The following SUGCT variants were observed in gnomAD, a reference collection of about 807,000 sequenced individuals.
SUGCT encodes the protein succinyl-CoA:glutarate CoA-transferase.
A neutral mutation model predicts 55.0 loss-of-function variants in SUGCT; 41 were observed. The observed-to-expected ratio is 0.74, with a 90% CI of 0.58 to 0.97. The LOEUF is 0.97. Ranked by LOEUF, SUGCT falls within the 50% of genes least tolerant of loss-of-function variation. SUGCT has a pLI of 0.00. For synonymous variants in SUGCT, 187 were observed against 200.4 expected (o/e 0.93, Z 0.56); for missense variants, 568 against 547.8 (o/e 1.04, Z -0.37).
intron 12 of SUGCT, among the ~76,000 whole-genome samples, chr7:40,543,445 C>G (rs1423039910): frequency 6.6e-6 from 1 of 152,146 alleles, no homozygotes; most frequent in Non-Finnish European, 1.5e-5. Context: ...AGACTGAAAA[C>G]AGGCTCTTCA....
rs548642068 is a variant in SUGCT, at chr7:40,343,817, T to C, written c.816+26962T>C. On this transcript the variant is annotated intron_variant, in intron 9 of 13. Transcript: ENST00000335693. ...GACTACAGGCACCCGCCACCACGCC[T>C]GGCTAATTTTTTGTATTTTTAGTAG... Among the ~76,000 whole-genome samples the C allele has an allele frequency of 9.9e-3, 1,509 of 152,120 alleles. 20 individuals are homozygous for C. The highest frequency in any genetic ancestry group is 0.035 in the African/African-American group (1,438 of 41,528).
the SUGCT span, among the ~76,000 whole-genome samples, chr7:40,910,103 T>C: frequency 6.6e-6 from 1 of 152,188 alleles, no homozygotes; most frequent in Non-Finnish European, 1.5e-5. Flanking sequence ...CTTTCCTTTT[T>C]TTTTTCCTTC....
chr7:40,368,419 G>A (rs929821941), intron 9 of SUGCT, among the ~76,000 whole-genome samples: 3 of 151,990 alleles, frequency 2.0e-5, no homozygotes, highest in African/African-American at 2.4e-5. Flanking sequence ...GACTGGTCTC[G>A]AACTTTTGAC....
At chr7:40,657,643 T>G (rs945377775) in intron 12 of SUGCT, among the ~76,000 whole-genome samples, 2 of 151,740 alleles carry the variant, frequency 1.3e-5, no homozygotes, top group Non-Finnish European at 2.9e-5. Flanking sequence ...CAAGCGATTC[T>G]CCTGCCTCAG....
intron 11 of SUGCT, among the ~76,000 whole-genome samples, chr7:40,491,187 G>A (rs1791656429): frequency 6.6e-6 from 1 of 152,164 alleles, no homozygotes; most frequent in Non-Finnish European, 1.5e-5. Context: ...TACTGGGGAA[G>A]GAGACAGTCA....
intron 9 of SUGCT, among the ~76,000 whole-genome samples, chr7:40,414,601 A>G (rs2151352479): frequency 6.6e-6 from 1 of 152,244 alleles, no homozygotes; most frequent in Non-Finnish European, 1.5e-5. Flanking sequence ...GTATTGTCAC[A>G]TTAAAAAAAA....
chr7:40,278,038 A>G (rs1349769318), intron 8 of SUGCT, among the ~76,000 whole-genome samples: 1 of 152,124 alleles, frequency 6.6e-6, no homozygotes, highest in Admixed American at 6.6e-5. Flanking sequence ...TTATGGCTGC[A>G]TAGTGTTCCA....
chr7:40,333,561 C>T (rs1315186747), intron 9 of SUGCT, among the ~76,000 whole-genome samples: 9 of 138,710 alleles, frequency 6.5e-5, no homozygotes, highest in South Asian at 2.4e-4. Flanking sequence ...TGCTTGATCC[C>T]GGGAGGTGGA....
intron 9 of SUGCT, among the ~76,000 whole-genome samples, chr7:40,377,201 T>TCTTTCTTTCTTTCTTTCTTTCTTTC (rs1562728720): frequency 1.6e-4 from 1 of 6,222 alleles, no homozygotes; most frequent in Non-Finnish European, 2.9e-3. Context: ...TTTCTTTCTT[T>TCTTTCTTTCTTTCTTTCTTTCTTTC]TCTTTTCTTT....
At chr7:40,219,080 C>T (rs1281003602) in intron 6 of SUGCT, among the ~76,000 whole-genome samples, 6 of 152,262 alleles carry the variant, frequency 3.9e-5, no homozygotes, top group South Asian at 4.1e-4. Context: ...CTGAAGCCAG[C>T]GAGACCATGA....
At chr7:40,185,712 G>A (rs1049011170) in intron 3 of SUGCT, among the ~76,000 whole-genome samples, 1 of 151,896 alleles carries the variant, frequency 6.6e-6, no homozygotes, top group African/African-American at 2.4e-5. Context: ...TAGTAGAGAC[G>A]GGGTTTCACC....
intron 5 of SUGCT, among the ~76,000 whole-genome samples, chr7:40,192,563 C>G (rs980561037): frequency 6.6e-6 from 1 of 151,646 alleles, no homozygotes; most frequent in Non-Finnish European, 1.5e-5. Context: ...TCTCATTTAT[C>G]CTATGCCTAG....
chr7:41,020,522 G>A, the SUGCT span, among the ~76,000 whole-genome samples: 5 of 152,186 alleles, frequency 3.3e-5, no homozygotes, highest in Non-Finnish European at 5.9e-5. Flanking sequence ...GATGACTGAT[G>A]TAATAGAGAA....
At chr7:40,467,293 T>A (rs913836644) in intron 11 of SUGCT, among the ~76,000 whole-genome samples, 7 of 152,044 alleles carry the variant, frequency 4.6e-5, no homozygotes, top group South Asian at 4.1e-4. Context: ...AAATCTTTTT[T>A]AAAAAAGTTT....
chr7:40,534,571 G>A (rs1231757310), intron 12 of SUGCT, among the ~76,000 whole-genome samples: 10 of 151,944 alleles, frequency 6.6e-5, no homozygotes, highest in African/African-American at 2.2e-4. Flanking sequence ...GGCATGTGCC[G>A]CCGTGCCCAG....
chr7:40,245,318 CA>C (rs1187276753), intron 7 of SUGCT, among the ~76,000 whole-genome samples: 3 of 146,100 alleles, frequency 2.1e-5, no homozygotes, highest in Admixed American at 1.4e-4. Context: ...TTTGGCCTCT[CA>C]AAGTGCTAGG....
At chr7:40,209,184 G>T (rs1787186932) in intron 6 of SUGCT, among the ~76,000 whole-genome samples, 1 of 152,164 alleles carries the variant, frequency 6.6e-6, no homozygotes, top group Non-Finnish European at 1.5e-5. Context: ...TTCTAGGAGA[G>T]TTGCTGATGT....
the SUGCT span, among the ~76,000 whole-genome samples, chr7:41,035,199 G>A: frequency 6.6e-6 from 1 of 152,218 alleles, no homozygotes. Flanking sequence ...GAGAAAAGAA[G>A]GTTCTTGAAA....
Position 40,506,956 on chromosome 7 carries a change from C to A in SUGCT, c.1089+10570C>A, listed in dbSNP as rs575225428. ...TAGGAGACAGTGTCAACATACCTTC[C>A]TTTACTTCTTTAGGCATGGTTTTCT... is the stretch of plus-strand genomic sequence containing the variant. On this transcript the variant is annotated intron_variant, in intron 12 of 13. Transcript: ENST00000335693. Among the ~76,000 whole-genome samples the A allele has an allele frequency of 2.1e-4, 32 of 152,236 alleles. No homozygotes were observed. In the South Asian group the frequency reaches 2.7e-3, roughly 13 times the overall value.
Sources: allele counts gnomAD v4.1 joint callset (sites outside exome capture counted in the v4.1 genomes callset), GRCh38; gene constraint gnomAD v4.1.1; transcripts MANE v1.5; gene names NCBI Gene and HGNC (gene_info 2026-07-23, HGNC 2026-07-21).